Variants in ESR2 observed in about 807,000 individuals in gnomAD.
ESR2 encodes estrogen receptor beta.
A neutral mutation model predicts 49.6 loss-of-function variants in ESR2; 36 were observed. That is an observed-to-expected ratio of 0.73 (90% CI 0.56 to 0.96). The LOEUF is 0.96. ESR2 is among the 40% of genes least tolerant of loss of function. ESR2 has a pLI of 0.00. For missense variants in ESR2, 714 were observed against 693.0 expected (o/e 1.03, Z -0.34); for synonymous variants, 320 against 266.1 (o/e 1.20, Z -1.97).
chr14:64,228,552 T>C lies in ESR2; in HGVS notation c.*4585A>G, dbSNP rs1452457925. ...GATACAAAGCATTCGTCTGAGAAAA[T>C]GGCAAATTATAGCCAACCAACAGGC... On this transcript the variant is annotated 3_prime_UTR_variant, in exon 9 of 9. Transcript: ENST00000341099. Among the ~76,000 whole-genome samples, 1 of 152,066 alleles carries C rather than the reference T, an allele frequency of 6.6e-6. No homozygotes were observed. Among genetic ancestry groups the C allele is most frequent in the Non-Finnish European group, 1.5e-5 (1 of 68,024 alleles).
chr14:64,324,381 C>T (rs1466485764), intron 1 of ESR2, among the ~76,000 whole-genome samples: 1 of 152,022 alleles, frequency 6.6e-6, no homozygotes, highest in Non-Finnish European at 1.5e-5. Context: ...CTCACTTTTC[C>T]AATGTTAAGT....
At chr14:64,308,359 C>T (rs1409911940) in intron 1 of ESR2, among the ~76,000 whole-genome samples, 1 of 152,118 alleles carries the variant, frequency 6.6e-6, no homozygotes, top group Non-Finnish European at 1.5e-5. Context: ...CTCCCTCTAG[C>T]ACTATTTTAT....
chr14:64,252,187 C>A (rs1052376370), intron 6 of ESR2, among the ~76,000 whole-genome samples: 1 of 152,000 alleles, frequency 6.6e-6, no homozygotes, highest in African/African-American at 2.4e-5. Context: ...GTAGCATACA[C>A]CTATAGTCCC....
intron 4 of ESR2, among the ~76,000 whole-genome samples, chr14:64,264,431 C>T (rs2140743970): frequency 6.6e-6 from 1 of 151,966 alleles, no homozygotes; most frequent in South Asian, 2.1e-4. Context: ...CAATTATACA[C>T]CCAGGATAAA....
At position 64,232,613 on chromosome 14, in the gene ESR2, A is replaced by C. The variant is rs35743760; in HGVS notation, c.*524T>G. On this transcript the variant is annotated 3_prime_UTR_variant, in exon 9 of 9. Transcript: ENST00000341099. ...AGAATAAGCATCATATGATATGATC[A>C]GTCCCCACAGGCCTGGGAGGTAAGT... is the stretch of plus-strand genomic sequence containing the variant. 1 of 153,374 alleles carries C rather than the reference A, an allele frequency of 6.5e-6. No homozygotes were observed. Among genetic ancestry groups the C allele is most frequent in the African/African-American group, 2.4e-5 (1 of 41,450 alleles). 9.5% of individuals were successfully genotyped at this position (153,374 alleles called of 1,614,324 possible). A position where few individuals can be genotyped will look rare whatever the true frequency, so the allele number is the denominator to read the frequency against.
chr14:64,276,622 G>T lies in ESR2; in HGVS notation c.535+3359C>A, dbSNP rs919814044. On this transcript the variant is annotated intron_variant, in intron 3 of 8. Coordinates refer to ENST00000341099, the MANE Select transcript of ESR2 (RefSeq NM_001437.3). Reference sequence around the variant, plus strand: ...CAGATTTGTTCTAAAAACATATCCAGAGAAACTTATTTTTTTCAAAACTTC... The same window carrying T: ...CAGATTTGTTCTAAAAACATATCCATAGAAACTTATTTTTTTCAAAACTTC... Among the ~76,000 whole-genome samples, 4 of 152,102 alleles carry T rather than the reference G, an allele frequency of 2.6e-5. No homozygotes were observed. The East Asian group carries it at 7.7e-4, about 29-fold the overall frequency.
chr14:64,266,196 C>T (rs2076324484), intron 4 of ESR2, among the ~76,000 whole-genome samples: 1 of 152,276 alleles, frequency 6.6e-6, no homozygotes, highest in Admixed American at 6.5e-5. Flanking sequence ...TGTATCAAAG[C>T]TCATATGAGT....
chr14:64,285,491 C>A (rs1386785483), intron 1 of ESR2, among the ~76,000 whole-genome samples: 1 of 152,080 alleles, frequency 6.6e-6, no homozygotes, highest in African/African-American at 2.4e-5. Flanking sequence ...CAAACCTAAT[C>A]CTGCTTATCA....
rs1321661997 is a variant in ESR2 at position 64,240,333 on chromosome 14, T to C, written c.1226-5183A>G. On this transcript the variant is annotated intron_variant, in intron 7 of 8. Transcript: ENST00000341099. ...AACCAAATGCAGCGCTTGGAAACTC[T>C]GCTATCCTAACATGGAATAGAGAAG... is the stretch of plus-strand genomic sequence containing the variant. Among the ~76,000 whole-genome samples, 3 of 152,234 alleles carry C rather than the reference T, an allele frequency of 2.0e-5. No homozygotes were observed. The East Asian group carries it at 5.8e-4, about 29-fold the overall frequency.
At chr14:64,276,324 A>G (rs1456837990) in intron 3 of ESR2, among the ~76,000 whole-genome samples, 1 of 152,262 alleles carries the variant, frequency 6.6e-6, no homozygotes, top group Non-Finnish European at 1.5e-5. Context: ...CTGAATAAAG[A>G]AGATAAAAGA....
downstream of ESR2, chr14:64,227,815 G>A: frequency 6.4e-7 from 1 of 1,567,780 alleles, no homozygotes. Context: ...CTTTTATGAG[G>A]TAGTCTGGGT....
rs1567739387 is a variant in ESR2, at chr14:64,246,766, A to AAC, written c.1225+2778_1225+2779dup. Among the ~76,000 whole-genome samples, 161 of 133,952 alleles carry AAC rather than the reference A, an allele frequency of 1.2e-3. 1 individual carries two copies. Among genetic ancestry groups the AAC allele is most frequent in the African/African-American group, 3.4e-3 (123 of 36,176 alleles). 87.9% of individuals were successfully genotyped at this position (133,952 alleles called of 152,430 possible). A position where few individuals can be genotyped will look rare whatever the true frequency, so the allele number is the denominator to read the frequency against. On this transcript the variant is annotated intron_variant, in intron 7 of 8. Coordinates refer to ENST00000341099, the MANE Select transcript of ESR2 (RefSeq NM_001437.3). ...AAAAAAAAAAAAAAAAAAAAAAAAA[A>AAC]ACACACCTGGCTGGACTTTCCTTAT...
At chr14:64,305,949 G>A (rs1030139263) in intron 1 of ESR2, among the ~76,000 whole-genome samples, 2 of 152,022 alleles carry the variant, frequency 1.3e-5, no homozygotes, top group East Asian at 3.9e-4. Context: ...GGTGGCTCAC[G>A]CCTGTAATCC....
chr14:64,259,536 G>A (rs1191155403), intron 5 of ESR2, among the ~76,000 whole-genome samples: 2 of 152,234 alleles, frequency 1.3e-5, no homozygotes, highest in Admixed American at 1.3e-4. Flanking sequence ...CTCCTCCACA[G>A]AAACACCAAG....
rs888609927 is a variant in ESR2 at position 64,233,057 on chromosome 14, T to C, written c.*80A>G. On this transcript the variant is annotated 3_prime_UTR_variant, in exon 9 of 9. Transcript: ENST00000341099. ...AATGAGGGACCACACAGCAGAAAGA[T>C]GAAGCCCAGGCTCCTGACACACTGG... 7 of 1,538,748 alleles carry C rather than the reference T, an allele frequency of 4.5e-6. No individual in the cohort carries two copies. The Admixed American group carries it at 9.7e-5, about 21-fold the overall frequency.
At chr14:64,334,678 C>T (rs1185912702) in intron 1 of ESR2, among the ~76,000 whole-genome samples, 1 of 152,244 alleles carries the variant, frequency 6.6e-6, no homozygotes. Context: ...GAGACATTTG[C>T]TCTTGTTGCC....
chr14:64,227,093 C>T (rs2098722024), downstream of ESR2: 1 of 165,436 alleles, frequency 6.0e-6, no homozygotes. Flanking sequence ...TAGGCATCGG[C>T]ATTTCCCCTT....
chr14:64,310,311 A>ATTATTATTATTATT (rs1555595523), intron 1 of ESR2, among the ~76,000 whole-genome samples: 1 of 149,334 alleles, frequency 6.7e-6, no homozygotes, highest in East Asian at 2.0e-4. Flanking sequence ...TAATAATAAT[A>ATTATTATTATTATT]ATAATAATTC....
At chr14:64,269,635 G>A (rs988722604) in intron 3 of ESR2, among the ~76,000 whole-genome samples, 1 of 152,146 alleles carries the variant, frequency 6.6e-6, no homozygotes, top group African/African-American at 2.4e-5. Flanking sequence ...CAAGAAGAAC[G>A]TGGGGACATG....
Sources: gnomAD v4.1 joint callset for allele counts (sites outside exome capture counted in the v4.1 genomes callset) on GRCh38, gnomAD v4.1.1 for gene constraint, MANE v1.5 for transcripts, NCBI Gene and HGNC (gene_info 2026-07-23, HGNC 2026-07-21) for gene names.